Variants in NEK11 observed in about 807,000 individuals in gnomAD.
The protein encoded by NEK11 is serine/threonine-protein kinase Nek11.
In NEK11, 72 loss-of-function variants were observed where a neutral mutation model predicts 80.7. The observed-to-expected ratio is 0.89, with a 90% CI of 0.74 to 1.08. The LOEUF (loss-of-function observed/expected upper bound fraction) is 1.08. NEK11 is among the 50% of genes least tolerant of loss of function. The pLI is 0.00. For synonymous variants in NEK11, 251 were observed against 260.7 expected (o/e 0.96, Z 0.36); for missense variants, 764 against 763.6 (o/e 1.00, Z -0.01).
intron 3 of NEK11, among the ~76,000 whole-genome samples, chr3:131,046,317 T>TCCA (rs1298321944): frequency 1.3e-5 from 2 of 152,210 alleles, no homozygotes; most frequent in Admixed American, 1.3e-4. Flanking sequence ...GTGAATTCTC[T>TCCA]CAGTATTTGT....
At position 131,254,806 on chromosome 3, in the gene NEK11, G is replaced by A. The variant is rs186626784; in HGVS notation, c.1621+11310G>A. On this transcript the variant is annotated intron_variant, in intron 16 of 17. Coordinates refer to ENST00000383366, the MANE Select transcript of NEK11 (RefSeq NM_024800.5). ...AGGCCAAGGTGGGTGGATCACCTGA[G>A]GTCAGGAGTTCAAGACCAGCCAGGC... 4.6e-5 allele frequency among the ~76,000 whole-genome samples: 7 copies of A among 152,182 alleles called. No individual in the cohort carries two copies. The East Asian group carries it at 1.4e-3, about 29-fold the overall frequency.
At chr3:131,095,680 C>T (rs989459744) in intron 4 of NEK11, among the ~76,000 whole-genome samples, 6 of 152,102 alleles carry the variant, frequency 3.9e-5, no homozygotes, top group African/African-American at 1.4e-4. Context: ...TATTATTTGA[C>T]AATGCTTCCC....
chr3:131,053,464 C>G (rs978228449), intron 3 of NEK11: 2 of 152,200 alleles, frequency 1.3e-5, no homozygotes, highest in African/African-American at 4.8e-5. Flanking sequence ...CTGGCATGAG[C>G]CAGATCTGGT....
intron 11 of NEK11, among the ~76,000 whole-genome samples, chr3:131,163,116 A>T (rs1229669403): frequency 6.6e-6 from 1 of 152,210 alleles, no homozygotes; most frequent in African/African-American, 2.4e-5. Flanking sequence ...GAGAAAAGGG[A>T]ACCCTTGTGC....
intron 5 of NEK11, among the ~76,000 whole-genome samples, chr3:131,124,352 C>T (rs2082918821): frequency 6.6e-6 from 1 of 152,198 alleles, no homozygotes. Context: ...CAGAGGCACA[C>T]TTGAATATTT....
chr3:131,222,010 G>A (rs559285264), intron 14 of NEK11, among the ~76,000 whole-genome samples: 1 of 152,150 alleles, frequency 6.6e-6, no homozygotes, highest in Admixed American at 6.6e-5. Context: ...GGCTGAATCT[G>A]ATTCTCCCAG....
intron 17 of NEK11, among the ~76,000 whole-genome samples, chr3:131,277,082 G>A (rs532763612): frequency 6.6e-6 from 1 of 152,264 alleles, no homozygotes; most frequent in Non-Finnish European, 1.5e-5. Flanking sequence ...TTTGGTGGTA[G>A]CCTACATAAG....
At position 131,333,911 on chromosome 3, in the gene NEK11, A is replaced by G. The variant is rs1424497293; in HGVS notation, c.1719-15646A>G. On this transcript the variant is annotated intron_variant, in intron 17 of 17. Coordinates refer to ENST00000383366, the MANE Select transcript of NEK11 (RefSeq NM_024800.5). ...GGTAAAGGGATCAATTCAACAAGAAAAGCTAACTATCCTAAATGTATATGC... is the reference window on the plus strand; with the variant it reads ...GGTAAAGGGATCAATTCAACAAGAAGAGCTAACTATCCTAAATGTATATGC... Among the ~76,000 whole-genome samples the G allele has an allele frequency of 6.6e-5, 10 of 152,274 alleles. No individual in the cohort carries two copies. The East Asian group carries it at 1.7e-3, about 26-fold the overall frequency.
chr3:131,133,406 A>G, intron 6 of NEK11: 1 of 388,272 alleles, frequency 2.6e-6, no homozygotes, highest in Admixed American at 3.6e-5. Flanking sequence ...ATGTTCTTAA[A>G]TAGTCTCAGA....
intron 17 of NEK11, among the ~76,000 whole-genome samples, chr3:131,318,593 G>T (rs2096866858): frequency 6.6e-6 from 1 of 151,654 alleles, no homozygotes; most frequent in African/African-American, 2.4e-5. Context: ...TACTGTCCTG[G>T]CATTAAAAAG....
intron 4 of NEK11, among the ~76,000 whole-genome samples, chr3:131,091,879 G>A (rs958600612): frequency 2.0e-5 from 3 of 152,218 alleles, no homozygotes; most frequent in Non-Finnish European, 4.4e-5. Flanking sequence ...TGAGCAATGA[G>A]CTTTTATAGG....
At chr3:131,289,342 A>T (rs1362467905) in intron 17 of NEK11, among the ~76,000 whole-genome samples, 1 of 152,218 alleles carries the variant, frequency 6.6e-6, no homozygotes, top group African/African-American at 2.4e-5. Context: ...GTCTACAAAT[A>T]TACAAATATT....
In NEK11 at chr3:131,349,834, A is replaced by G; in HGVS notation, c.*58A>G. On this transcript the variant is annotated 3_prime_UTR_variant, in exon 18 of 18. Transcript: ENST00000383366. ...GACAAATTTATGTGAAAATTCATTT[A>G]ACATATAAGCTGAACTCTATTATGG... is the stretch of plus-strand genomic sequence containing the variant. The G allele has an allele frequency of 7.5e-7, 1 of 1,325,908 alleles. No individual in the cohort carries two copies. Among genetic ancestry groups the G allele is most frequent in the Non-Finnish European group, 1.1e-6 (1 of 925,374 alleles). The allele number at this position is 1,325,908 out of a possible 1,614,324, so 82.1% of individuals were successfully genotyped here. A position where few individuals can be genotyped will look rare whatever the true frequency, so the allele number is the denominator to read the frequency against.
At chr3:131,261,285 C>G (rs1287083040) in intron 16 of NEK11, among the ~76,000 whole-genome samples, 1 of 152,180 alleles carries the variant, frequency 6.6e-6, no homozygotes. Flanking sequence ...TTGTTTTCAT[C>G]TCATTGTCAA....
chr3:131,334,716 C>T (rs1010225129), intron 17 of NEK11, among the ~76,000 whole-genome samples: 10 of 151,558 alleles, frequency 6.6e-5, no homozygotes, highest in South Asian at 4.2e-4. Context: ...ATTGATAGAC[C>T]GCTAGCAAGA....
intron 14 of NEK11, among the ~76,000 whole-genome samples, chr3:131,212,906 A>G (rs1375693576): frequency 1.3e-5 from 2 of 152,346 alleles, no homozygotes; most frequent in Middle Eastern, 3.4e-3. Flanking sequence ...ATATTTTTAT[A>G]TCAGTAGACT....
chr3:131,247,322 C>T (rs1404475228), intron 16 of NEK11, among the ~76,000 whole-genome samples: 2 of 152,116 alleles, frequency 1.3e-5, no homozygotes, highest in Non-Finnish European at 2.9e-5. Flanking sequence ...GATCCAGTTT[C>T]ATTCTTCTAC....
chr3:131,206,189 G>T (rs577108542), intron 14 of NEK11, among the ~76,000 whole-genome samples: 1 of 152,226 alleles, frequency 6.6e-6, no homozygotes, highest in African/African-American at 2.4e-5. Flanking sequence ...AAATAGTCAG[G>T]CTCTCCAGAT....
chr3:131,045,995 G>A (rs112655134), intron 3 of NEK11, among the ~76,000 whole-genome samples: 2,106 of 152,174 alleles, frequency 0.014, 45 homozygotes, highest in African/African-American at 0.049. Flanking sequence ...GTTTACATGA[G>A]TTCTTATGCA....
Sources: gnomAD v4.1 joint callset for allele counts (sites outside exome capture counted in the v4.1 genomes callset) on GRCh38, gnomAD v4.1.1 for gene constraint, MANE v1.5 for transcripts, NCBI Gene and HGNC (gene_info 2026-07-23, HGNC 2026-07-21) for gene names.